IL3RA: variants seen among roughly 807,000 people sequenced by gnomAD.
IL3RA encodes the protein interleukin-3 receptor subunit alpha.
IL3RA carries 73 observed loss-of-function variants against 52.3 expected under a neutral mutation model. The observed-to-expected ratio is 1.40, with a 90% CI of 1.16 to 1.70. IL3RA has a LOEUF of 1.70. IL3RA is among the 40% of genes most tolerant of loss of function. IL3RA has a pLI of 0.00. For missense variants in IL3RA, 664 were observed against 504.4 expected, an observed-to-expected ratio of 1.32 and a Z score of -3.03; for synonymous variants, 260 against 194.0, an observed-to-expected ratio of 1.34 and a Z score of -2.83.
At position 1,365,292 on chromosome X, in the gene IL3RA, AGCGGGGTGC is replaced by A. The variant is rs746006049; in HGVS notation, c.874+49_874+57del. ...CGGGGTGCGCGGGGTGAGCGGGGTGAGCGGGGTGCGCGGGGTGAGCGGGGTGCGCGGGGT... is the reference window on the plus strand; with the variant it reads ...CGGGGTGCGCGGGGTGAGCGGGGTGAGCGGGGTGAGCGGGGTGCGCGGGGT... On this transcript the variant is annotated intron_variant, in intron 9 of 11. Transcript: ENST00000331035. The A allele has an allele frequency of 6.4e-4, 713 of 1,115,782 alleles. 7 individuals are homozygous for A. The African/African-American group carries it at 0.012, about 20-fold the overall frequency. 69.1% of individuals were successfully genotyped at this position (1,115,782 alleles called of 1,614,324 possible).
intron 2 of IL3RA, among the ~76,000 whole-genome samples, chrX:1,342,605 G>A (rs1367748811): frequency 7.1e-6 from 1 of 140,684 alleles, no homozygotes; most frequent in African/African-American, 2.7e-5. Flanking sequence ...TGGTCGCCCA[G>A]GCTGGAGTGT....
At chrX:1,337,620 C>T (rs112325646) in intron 1 of IL3RA, among the ~76,000 whole-genome samples, 1 of 148,984 alleles carries the variant, frequency 6.7e-6, no homozygotes. Flanking sequence ...GAGGTGGAGA[C>T]AGCCCTCATA....
At chrX:1,348,743 T>C (rs1316314360) in intron 4 of IL3RA, among the ~76,000 whole-genome samples, 198 bp downstream of exon 4, 1 of 146,060 alleles carries the variant, frequency 6.8e-6, no homozygotes, top group East Asian at 1.9e-4. Flanking sequence ...TCTTTCTTTC[T>C]TTCCTTCTTT....
At chrX:1,362,008 CTCTG>C (rs1474915746) in intron 8 of IL3RA, among the ~76,000 whole-genome samples, 14 of 151,768 alleles carry the variant, frequency 9.2e-5, no homozygotes, top group African/African-American at 2.7e-4. Context: ...CTGTTTTCCT[CTCTG>C]TCTCTGTTTT....
At chrX:1,348,068 C>G (rs28618208) in intron 3 of IL3RA, among the ~76,000 whole-genome samples, 1 of 143,026 alleles carries the variant, frequency 7.0e-6, no homozygotes, top group African/African-American at 2.6e-5. Context: ...AAGTCTTGGC[C>G]GGGCACGGTG....
intron 4 of IL3RA, among the ~76,000 whole-genome samples, chrX:1,348,858 T>C: frequency 1.7e-5 from 2 of 118,664 alleles, no homozygotes; most frequent in Non-Finnish European, 1.7e-5. Flanking sequence ...CCCACCCTAC[T>C]TCCTCTCTCT....
rs777397254 is a variant in IL3RA, at chrX:1,348,564, G to A, written c.298+19G>A. ...GAGAACAGTGAGAAAAATGTTCATT[G>A]TTTGTTTATTCTCTATTCCCTCCCT... On this transcript the variant is annotated intron_variant, in intron 4 of 11. Transcript: ENST00000331035. 5.1e-6 allele frequency: 8 copies of A among 1,578,394 alleles called. No homozygotes were observed. The highest frequency in any genetic ancestry group is 2.2e-5 in the East Asian group (1 of 44,706).
chrX:1,350,952 G>T (rs1253256517), intron 4 of IL3RA, among the ~76,000 whole-genome samples: 3 of 150,594 alleles, frequency 2.0e-5, no homozygotes, highest in African/African-American at 7.4e-5. Flanking sequence ...AACATCTGTA[G>T]TCCCAGCAGT....
chrX:1,381,058 C>T lies in IL3RA; in HGVS notation c.1016C>T (p.Pro339Leu). The change falls in exon 11 of 12, where the codon CCT becomes CTT. Residue 339 changes from proline (P) to leucine (L), a missense_variant. Coordinates refer to ENST00000331035, the MANE Select transcript of IL3RA (RefSeq NM_002183.4). ...ATGCAGAGACTCTTTCCCCGCATCCCTCACATGAAAGACCCCATCGGTGAC... is the reference window on the plus strand; with the variant it reads ...ATGCAGAGACTCTTTCCCCGCATCCTTCACATGAAAGACCCCATCGGTGAC... ...LVMQRLFPRIPHMKDPIGDSF... is the reference protein window; with the variant it reads ...LVMQRLFPRILHMKDPIGDSF... 1.2e-6 allele frequency: 2 copies of T among 1,613,902 alleles called. No homozygotes were observed. Among genetic ancestry groups the T allele is most frequent in the Non-Finnish European group, 1.7e-6 (2 of 1,179,828 alleles).
At chrX:1,348,674 CT>C in intron 4 of IL3RA, 129 bp downstream of exon 4, 4 of 481,898 alleles carry the variant, frequency 8.3e-6, no homozygotes, top group Non-Finnish European at 1.5e-5. Flanking sequence ...TTCTTTCTTT[CT>C]TTCTTTCTTT....
chrX:1,364,670 G>A (rs1305703496), intron 8 of IL3RA, among the ~76,000 whole-genome samples: 1 of 151,604 alleles, frequency 6.6e-6, no homozygotes, highest in African/African-American at 2.4e-5. Context: ...TAAAGATGGG[G>A]TCTTGCTATG....
chrX:1,363,577 C>A (rs868240496), intron 8 of IL3RA, among the ~76,000 whole-genome samples: 1 of 150,436 alleles, frequency 6.6e-6, no homozygotes. Context: ...CGTGAGCCAC[C>A]GCGCCTGGCC....
intron 9 of IL3RA, among the ~76,000 whole-genome samples, chrX:1,368,313 G>A (rs1458962384): frequency 2.0e-5 from 3 of 152,034 alleles, no homozygotes; most frequent in African/African-American, 7.2e-5. Flanking sequence ...GGCCGGGCAC[G>A]GTGACTCATG....
intron 7 of IL3RA, 31 bp from the exon 8 acceptor site, chrX:1,358,830 A>C: frequency 6.2e-7 from 1 of 1,612,970 alleles, no homozygotes; most frequent in African/African-American, 1.3e-5. Flanking sequence ...CGGTCCAGAC[A>C]CTCAAAAGTT....
chrX:1,349,275 G>A lies in IL3RA; in HGVS notation c.298+730G>A, dbSNP rs186885156. On this transcript the variant is annotated intron_variant, in intron 4 of 11. Coordinates refer to ENST00000331035, the MANE Select transcript of IL3RA (RefSeq NM_002183.4). ...CGGCTCACTGCAACCTCTGGCTCCC[G>A]GGTTCAAGCGATTCTCCTGCCTCAG... Among the ~76,000 whole-genome samples the A allele has an allele frequency of 4.0e-4, 60 of 151,184 alleles. 1 individual carries two copies. Among genetic ancestry groups the A allele is most frequent in the Admixed American group, 9.3e-4 (14 of 15,096 alleles).
intron 9 of IL3RA, 139 bp downstream of exon 9, chrX:1,365,391 C>T (rs1228872736): frequency 1.3e-5 from 1 of 77,996 alleles, no homozygotes; most frequent in South Asian, 2.1e-4. Context: ...GAGCCGGCTG[C>T]GCGGGGTGAG....
chrX:1,377,742 T>C (rs1370780472), intron 9 of IL3RA, among the ~76,000 whole-genome samples: 3 of 148,738 alleles, frequency 2.0e-5, no homozygotes, highest in Admixed American at 6.7e-5. Context: ...CACGGCTCAC[T>C]GTAGCCTCGA....
intron 1 of IL3RA, among the ~76,000 whole-genome samples, chrX:1,337,430 A>G (rs1349768998): frequency 6.6e-5 from 10 of 152,186 alleles, no homozygotes; most frequent in African/African-American, 2.4e-4. Flanking sequence ...GGGACTCAGA[A>G]TGTTCCAGAT....
chrX:1,347,529 G>T (rs2085803586), intron 3 of IL3RA, among the ~76,000 whole-genome samples: 1 of 150,960 alleles, frequency 6.6e-6, no homozygotes, highest in African/African-American at 2.4e-5. Flanking sequence ...TGAGGCAGGA[G>T]AATTGCTTGA....
Sources: allele counts gnomAD v4.1 joint callset (sites outside exome capture counted in the v4.1 genomes callset), GRCh38; gene constraint gnomAD v4.1.1; transcripts MANE v1.5; gene names NCBI Gene and HGNC (gene_info 2026-07-23, HGNC 2026-07-21).